GRID2: variants seen among roughly 807,000 people sequenced by gnomAD.
GRID2 encodes glutamate ionotropic receptor delta type subunit 2, also known as glutamate receptor ionotropic, delta-2.
A neutral mutation model predicts 114.8 loss-of-function variants in GRID2; 33 were observed. That is an observed-to-expected ratio of 0.29 (90% CI 0.22 to 0.38). The LOEUF (loss-of-function observed/expected upper bound fraction) is 0.38, where lower values mean the gene tolerates loss of function less well. Ranked by LOEUF, GRID2 falls within the 10% of genes least tolerant of loss-of-function variation. The pLI, the probability that GRID2 is intolerant of heterozygous loss-of-function variation, is 1.00. For missense variants in GRID2, 1,184 were observed against 1,257.7 expected (o/e 0.94, Z 0.89); for synonymous variants, 505 against 449.9 (o/e 1.12, Z -1.55).
At chr4:92,760,458 T>C (rs926100786) in intron 2 of GRID2, among the ~76,000 whole-genome samples, 17 of 152,064 alleles carry the variant, frequency 1.1e-4, no homozygotes, top group African/African-American at 3.9e-4. Flanking sequence ...CCAGTGCTTG[T>C]GACATGGGAG....
At chr4:93,456,092 C>T in intron 11 of GRID2, 118 bp downstream of exon 11, 2 of 650,034 alleles carry the variant, frequency 3.1e-6, no homozygotes, top group Non-Finnish European at 5.4e-6. Flanking sequence ...AAAGGGTACT[C>T]ACAGAAATGC....
At chr4:92,491,839 C>T (rs372535815) in intron 1 of GRID2, among the ~76,000 whole-genome samples, 2 of 152,148 alleles carry the variant, frequency 1.3e-5, no homozygotes, top group East Asian at 3.9e-4. Flanking sequence ...AAACATTTCT[C>T]ATATCACTTT....
chr4:92,359,333 A>G (rs1335758861), intron 1 of GRID2, among the ~76,000 whole-genome samples: 1 of 151,952 alleles, frequency 6.6e-6, no homozygotes, highest in Non-Finnish European at 1.5e-5. Flanking sequence ...AATAGCATGA[A>G]ACTAGTTTTG....
At chr4:92,472,352 T>C (rs1722089146) in intron 1 of GRID2, among the ~76,000 whole-genome samples, 1 of 152,192 alleles carries the variant, frequency 6.6e-6, no homozygotes, top group African/African-American at 2.4e-5. Context: ...AGTTGTGTTG[T>C]TTTCAGCTTT....
intron 1 of GRID2, among the ~76,000 whole-genome samples, chr4:92,586,398 A>G (rs1342471354): frequency 6.7e-6 from 1 of 148,322 alleles, no homozygotes; most frequent in Non-Finnish European, 1.5e-5. Context: ...ACACACATAC[A>G]CACACACAGA....
intron 1 of GRID2, among the ~76,000 whole-genome samples, chr4:92,538,695 T>C (rs1725774245): frequency 6.6e-6 from 1 of 152,152 alleles, no homozygotes; most frequent in Non-Finnish European, 1.5e-5. Flanking sequence ...ACTGCATTCC[T>C]AGTCTTAGGA....
intron 8 of GRID2, among the ~76,000 whole-genome samples, chr4:93,347,792 A>G (rs1760390456): frequency 6.6e-6 from 1 of 152,202 alleles, no homozygotes; most frequent in Non-Finnish European, 1.5e-5. Flanking sequence ...AAAAGTAGCT[A>G]GATTCAGTCC....
intron 13 of GRID2, among the ~76,000 whole-genome samples, chr4:93,598,779 G>GT (rs2149634970): frequency 6.6e-6 from 1 of 152,088 alleles, no homozygotes; most frequent in African/African-American, 2.4e-5. Context: ...ATAGCTTTCT[G>GT]TTTCTGTTTC....
At position 93,769,403 on chromosome 4, in the gene GRID2, G is replaced by C. The variant is rs752092422; in HGVS notation, c.2554G>C (p.Glu852Gln). ...IVLSCFIAML[E>Q]TWWNKRKGSR... is the part of the protein sequence containing the mutation. Reference sequence around the variant, plus strand: ...CCTCTCCTGCTTCATAGCCATGCTGGAGACGTGGTGGAACAAGAGGAAAGG... The same window carrying C: ...CCTCTCCTGCTTCATAGCCATGCTGCAGACGTGGTGGAACAAGAGGAAAGG... Residue 852 changes from glutamate to glutamine, a missense_variant, in exon 15 of 16, where the codon GAG becomes CAG. By Grantham distance (29) the Glu-to-Gln change is conservative. This residue lies in a region of GRID2 where 717 missense variants were observed against 796.9 expected (regional missense o/e 0.90). Coordinates refer to ENST00000282020, the MANE Select transcript of GRID2 (RefSeq NM_001510.4). 5.6e-6 allele frequency: 9 copies of C among 1,613,968 alleles called. No individual in the cohort carries two copies. The highest frequency in any genetic ancestry group is 7.6e-6 in the Non-Finnish European group (9 of 1,179,912).
At chr4:93,104,339 G>A (rs1478750357) in intron 3 of GRID2, among the ~76,000 whole-genome samples, 1 of 151,818 alleles carries the variant, frequency 6.6e-6, no homozygotes, top group Non-Finnish European at 1.5e-5. Flanking sequence ...TAAGTTTTAG[G>A]GTACATGTGC....
intron 4 of GRID2, among the ~76,000 whole-genome samples, chr4:93,137,558 T>C (rs1159901392): frequency 6.6e-6 from 1 of 152,152 alleles, no homozygotes; most frequent in East Asian, 1.9e-4. Flanking sequence ...GAAAGAGGAT[T>C]TCAAGATAGA....
rs1726912842 is a variant in GRID2 at position 93,490,732 on chromosome 4, A to G, written c.1952A>G (p.Asn651Ser). ...ALIVISSYTA[N>S]LAAFLTITRI... ...ATTGTTATCTCATCTTACACGGCAA[A>G]CCTCGCTGCTTTCCTCACTATTACA... Residue 651 changes from asparagine (N) to serine (S), a missense_variant, in exon 12 of 16, where the codon AAC becomes AGC. Transcript: ENST00000282020. The G allele has an allele frequency of 6.2e-7, 1 of 1,610,832 alleles. No individual in the cohort carries two copies. The highest frequency in any genetic ancestry group is 8.5e-7 in the Non-Finnish European group (1 of 1,177,736).
At chr4:92,943,224 G>A (rs1026309297) in intron 2 of GRID2, among the ~76,000 whole-genome samples, 20 of 152,042 alleles carry the variant, frequency 1.3e-4, no homozygotes, top group African/African-American at 4.3e-4. Flanking sequence ...ACATAGATTT[G>A]GTCTTTTCAC....
rs552598489 is a variant in GRID2 at position 92,818,210 on chromosome 4, AT to A, written c.244+227925del. 1.4e-3 allele frequency among the ~76,000 whole-genome samples: 211 copies of A among 152,314 alleles called. 3 individuals are homozygous for A. The highest frequency in any genetic ancestry group is 0.012 in the Admixed American group (186 of 15,282). On this transcript the variant is annotated intron_variant, in intron 2 of 15. Coordinates refer to ENST00000282020, the MANE Select transcript of GRID2 (RefSeq NM_001510.4). ...ACTTAATTATAAACTGATAAGCAGA[AT>A]AACAGTATTTTAAAAATCATAACCT...
chr4:92,578,733 AATCTATCT>A (rs75145260), intron 1 of GRID2, among the ~76,000 whole-genome samples: 31 of 149,452 alleles, frequency 2.1e-4, no homozygotes, highest in Middle Eastern at 3.4e-3. Flanking sequence ...TCTATCTATC[AATCTATCT>A]ATCTATCTAT....
intron 2 of GRID2, among the ~76,000 whole-genome samples, chr4:93,003,947 C>G (rs1721255592): frequency 1.3e-5 from 2 of 151,740 alleles, no homozygotes; most frequent in South Asian, 4.2e-4. Flanking sequence ...AAAGCCAAAC[C>G]AAAATGTAAG....
intron 1 of GRID2, among the ~76,000 whole-genome samples, chr4:92,528,820 TAA>T (rs755194146): frequency 0.016 from 1,517 of 94,062 alleles, 24 homozygotes; most frequent in African/African-American, 0.048. Flanking sequence ...GAACATCCTG[TAA>T]AAAAAAAAAA....
intron 2 of GRID2, among the ~76,000 whole-genome samples, chr4:92,967,531 A>C (rs902893857): frequency 4.1e-5 from 6 of 147,482 alleles, no homozygotes; most frequent in African/African-American, 1.5e-4. Flanking sequence ...GTAAAGGAAG[A>C]ATCATTAATT....
chr4:93,057,162 C>CTATG (rs1553975685), intron 2 of GRID2, among the ~76,000 whole-genome samples: 1 of 147,836 alleles, frequency 6.8e-6, no homozygotes, highest in Non-Finnish European at 1.5e-5. Flanking sequence ...GTATGTGTGT[C>CTATG]TGTGTGTGTG....
Sources: gnomAD v4.1 joint callset for allele counts (sites outside exome capture counted in the v4.1 genomes callset) on GRCh38, gnomAD v4.1.1 for gene constraint, gnomAD v4.1.1 regional missense constraint, MANE v1.5 for transcripts, NCBI Gene and HGNC (gene_info 2026-07-23, HGNC 2026-07-21) for gene names.